The following KIF20B variants were observed in gnomAD, a reference collection of about 807,000 sequenced individuals.
The protein encoded by KIF20B is kinesin-like protein KIF20B.
A neutral mutation model predicts 232.5 loss-of-function variants in KIF20B; 188 were observed. The ratio of observed to expected loss-of-function variants is 0.81; its 90% CI spans 0.72 to 0.91. The LOEUF (loss-of-function observed/expected upper bound fraction) is 0.91, where lower values mean the gene tolerates loss of function less well. Among genes scored for constraint, KIF20B ranks in the 40% least tolerant of loss-of-function variants. The probability of loss-of-function intolerance (pLI) is 0.00; values close to 1 mark genes in which losing one functional copy is unlikely to be tolerated. For synonymous variants in KIF20B, 712 were observed against 683.0 expected (o/e 1.04, Z -0.66); for missense variants, 2,154 against 2,055.9 (o/e 1.05, Z -0.92).
chr10:89,705,341 T>A lies in KIF20B; in HGVS notation c.47T>A (p.Val16Asp). The change falls in exon 2 of 33, where the codon GTT becomes GAT. Residue 16 changes from valine to aspartate, a missense_variant. Val to Asp is a radical substitution (Grantham distance 152, BLOSUM62 -3). Coordinates refer to ENST00000371728, the MANE Select transcript of KIF20B (RefSeq NM_001284259.2). Reference sequence around the variant, plus strand: ...GAGGGAGTACCTCGACCATCTTATGTTTTTAGTGCTGACCCAATTGCAAGG... The same window carrying A: ...GAGGGAGTACCTCGACCATCTTATGATTTTAGTGCTGACCCAATTGCAAGG... ...NQEGVPRPSYVFSADPIARPS... is the reference protein window; with the variant it reads ...NQEGVPRPSYDFSADPIARPS... 5.6e-6 allele frequency: 9 copies of A among 1,613,902 alleles called. No individual in the cohort carries two copies. The highest frequency in any genetic ancestry group is 7.6e-6 in the Non-Finnish European group (9 of 1,179,844).
In KIF20B at chr10:89,774,201, A is replaced by G. The variant is rs1158893820; in HGVS notation, c.*153A>G. 1 of 408,486 alleles carries G rather than the reference A, an allele frequency of 2.4e-6. No individual in the cohort carries two copies. The highest frequency in any genetic ancestry group is 4.4e-6 in the Non-Finnish European group (1 of 226,998). 25.3% of individuals were successfully genotyped at this position (408,486 alleles called of 1,614,324 possible). A position where few individuals can be genotyped will look rare whatever the true frequency, so the allele number is the denominator to read the frequency against. ...TAGTATAATTTTAATTCAATAAATG[A>G]GTCAAAATTTGTATATTTTTATAAG... On this transcript the variant is annotated 3_prime_UTR_variant, in exon 33 of 33. Coordinates refer to ENST00000371728, the MANE Select transcript of KIF20B (RefSeq NM_001284259.2).
intron 1 of KIF20B, among the ~76,000 whole-genome samples, chr10:89,702,755 CTTT>C (rs11287823): frequency 0.32 from 45,833 of 141,656 alleles, 7,917 homozygotes; most frequent in African/African-American, 0.48. Flanking sequence ...CTAGGACCGA[CTTT>C]TTTTTTTTTT....
At chr10:89,757,040 G>GTGTGTGTATATATATA (rs1301847520) in intron 26 of KIF20B, among the ~76,000 whole-genome samples, 7 of 110,754 alleles carry the variant, frequency 6.3e-5, no homozygotes, top group African/African-American at 2.3e-4. Context: ...GTGTGTGTGT[G>GTGTGTGTATATATATA]TATATATATA....
intron 25 of KIF20B, among the ~76,000 whole-genome samples, chr10:89,753,580 T>A (rs752335223): frequency 9.2e-5 from 14 of 151,932 alleles, no homozygotes; most frequent in African/African-American, 3.4e-4. Flanking sequence ...TTTGTAATCC[T>A]GGAATGGACT....
intron 1 of KIF20B, among the ~76,000 whole-genome samples, chr10:89,701,990 A>C (rs1842620996): frequency 6.6e-6 from 1 of 152,200 alleles, no homozygotes; most frequent in Non-Finnish European, 1.5e-5. Context: ...GCTGCAATGA[A>C]GTGTCTATTT....
chr10:89,715,136 G>C lies in KIF20B; in HGVS notation c.894G>C (p.Lys298Asn). 1.2e-6 allele frequency: 2 copies of C among 1,606,660 alleles called. No individual in the cohort carries two copies. The highest frequency in any genetic ancestry group is 1.7e-6 in the Non-Finnish European group (2 of 1,177,190). ...VPVSSKFQKRKMLRLSQDVKG... is the reference protein window; with the variant it reads ...VPVSSKFQKRNMLRLSQDVKG... The stretch of plus-strand genomic sequence containing the variant: ...TATCATCTAAATTCCAAAAGAGAAA[G>C]ATGCTGCGCCTTTCCCAAGACGTAA... Residue 298 changes from lysine to asparagine, a missense_variant, in exon 8 of 33, where the codon AAG becomes AAC. By Grantham distance (94) the Lys-to-Asn change is moderately conservative. Coordinates refer to ENST00000371728, the MANE Select transcript of KIF20B (RefSeq NM_001284259.2).
intron 11 of KIF20B, among the ~76,000 whole-genome samples, chr10:89,717,942 A>G (rs1036725036): frequency 1.3e-5 from 2 of 152,222 alleles, no homozygotes; most frequent in African/African-American, 4.8e-5. Context: ...AGTATTTTCC[A>G]TGGCAAATCT....
At position 89,768,784 on chromosome 10, in the gene KIF20B, A is replaced by C. The variant is rs1168065833; in HGVS notation, c.5138A>C (p.Gln1713Pro). ...AAGAAAACATATTCTTTACGGAGTC[A>C]GGCATCCATAATTGGTGTAAACCTG... ...SSKKTYSLRS[Q>P]ASIIGVNLAT... The change falls in exon 31 of 33, where the codon CAG becomes CCG. Residue 1713 changes from glutamine (Q) to proline (P), a missense_variant. Gln to Pro is a moderately conservative substitution (Grantham distance 76). Transcript: ENST00000371728. 6.2e-6 allele frequency: 10 copies of C among 1,605,636 alleles called. No homozygotes were observed. Among genetic ancestry groups the C allele is most frequent in the Non-Finnish European group, 8.5e-6 (10 of 1,177,166 alleles).
rs147487632 is a variant in KIF20B at position 89,744,640 on chromosome 10, G to A, written c.4035+713G>A. 1.1e-4 allele frequency among the ~76,000 whole-genome samples: 16 copies of A among 152,076 alleles called. No individual in the cohort carries two copies. In the East Asian group the frequency reaches 3.1e-3, roughly 29 times the overall value. Reference sequence around the variant, plus strand: ...TCCTTTTAAAAATGATATTTAAAAGGCAAAATCCCTTTATTGTATATGGTT... The same window carrying A: ...TCCTTTTAAAAATGATATTTAAAAGACAAAATCCCTTTATTGTATATGGTT... On this transcript the variant is annotated intron_variant, in intron 22 of 32. Coordinates refer to ENST00000371728, the MANE Select transcript of KIF20B (RefSeq NM_001284259.2).
chr10:89,734,633 A>G (rs926678790), intron 19 of KIF20B, among the ~76,000 whole-genome samples: 2 of 152,172 alleles, frequency 1.3e-5, no homozygotes, highest in African/African-American at 4.8e-5. Context: ...CAATTTAATG[A>G]GCTTTGTAAT....
At position 89,717,729 on chromosome 10, in the gene KIF20B, G is replaced by A. The variant is rs761061127; in HGVS notation, c.1271+7G>A. On this transcript the variant is annotated splice_region_variant and intron_variant, in intron 11 of 32. Transcript: ENST00000371728. ...AGAATAGTGAAAAGTCAAAGTAAGT[G>A]TTTCTGAAAGTGTTATTAGCATATT... 4.5e-6 allele frequency: 7 copies of A among 1,566,252 alleles called. No homozygotes were observed. The African/African-American group carries it at 8.2e-5, about 18-fold the overall frequency.
At chr10:89,747,340 G>T (rs1450586029) in intron 23 of KIF20B, among the ~76,000 whole-genome samples, 1 of 151,896 alleles carries the variant, frequency 6.6e-6, no homozygotes. Context: ...ATTCCTCAGG[G>T]ATCTAGAACT....
chr10:89,735,395 A>G (rs906164106), intron 19 of KIF20B, among the ~76,000 whole-genome samples: 1 of 152,134 alleles, frequency 6.6e-6, no homozygotes, highest in African/African-American at 2.4e-5. Flanking sequence ...CTTAAAATCT[A>G]GTAGATGAGA....
intron 29 of KIF20B, chr10:89,766,116 C>T (rs1197386352): frequency 6.6e-6 from 1 of 152,162 alleles, no homozygotes; most frequent in Non-Finnish European, 1.5e-5. Flanking sequence ...TGGTTCCATT[C>T]TCCCCGTCAC....
chr10:89,723,358 A>G (rs1245319588), intron 13 of KIF20B, among the ~76,000 whole-genome samples: 2 of 152,058 alleles, frequency 1.3e-5, no homozygotes, highest in African/African-American at 2.4e-5. Context: ...CTTTATTTAT[A>G]TATTGCACAT....
chr10:89,768,788 A>G lies in KIF20B; in HGVS notation c.5142A>G (p.Ala1714=), dbSNP rs1842412789. The G allele has an allele frequency of 6.2e-7, 1 of 1,607,658 alleles. No homozygotes were observed. The highest frequency in any genetic ancestry group is 8.5e-7 in the Non-Finnish European group (1 of 1,177,682). ...SKKTYSLRSQ[A]SIIGVNLATK... is the part of the protein sequence containing the mutation. ...AAACATATTCTTTACGGAGTCAGGC[A>G]TCCATAATTGGTGTAAACCTGGCCA... is the stretch of plus-strand genomic sequence containing the variant. Residue 1714 remains alanine, a synonymous_variant, in exon 31 of 33, where the codon GCA becomes GCG. Transcript: ENST00000371728.
intron 23 of KIF20B, among the ~76,000 whole-genome samples, chr10:89,748,088 C>T (rs959076000): frequency 1.1e-4 from 16 of 152,226 alleles, no homozygotes; most frequent in Admixed American, 1.3e-4. Flanking sequence ...CAGCTCACTG[C>T]AACCTCCGCC....
chr10:89,725,241 C>A, intron 15 of KIF20B, 83 bp downstream of exon 15: 1 of 1,200,842 alleles, frequency 8.3e-7, no homozygotes, highest in Non-Finnish European at 1.2e-6. Context: ...TGAGAAACAC[C>A]AAGATAGTTT....
At chr10:89,757,020 T>TG in intron 26 of KIF20B, among the ~76,000 whole-genome samples, 1 of 113,286 alleles carries the variant, frequency 8.8e-6, no homozygotes, top group African/African-American at 4.4e-5. Flanking sequence ...CATATATCTC[T>TG]GTTGTGTGTG....
Sources: allele counts gnomAD v4.1 joint callset (sites outside exome capture counted in the v4.1 genomes callset), GRCh38; gene constraint gnomAD v4.1.1; transcripts MANE v1.5; gene names NCBI Gene and HGNC (gene_info 2026-07-23, HGNC 2026-07-21).